Variants in KCMF1 observed in about 807,000 individuals in gnomAD.
The protein encoded by KCMF1 is E3 ubiquitin-protein ligase KCMF1.
A neutral mutation model predicts 41.1 loss-of-function variants in KCMF1; 3 were observed. The observed-to-expected ratio is 0.07, with a 90% CI of 0.03 to 0.19. KCMF1 has a LOEUF of 0.19. Among genes scored for constraint, KCMF1 ranks in the 10% least tolerant of loss-of-function variants. KCMF1 has a pLI of 1.00. For missense variants in KCMF1, 286 were observed against 488.9 expected, an observed-to-expected ratio of 0.58 and a Z score of 3.91; for synonymous variants, 142 against 164.5, an observed-to-expected ratio of 0.86 and a Z score of 1.04.
chr2:85,010,715 G>T (rs1674631029), intron 1 of KCMF1, among the ~76,000 whole-genome samples: 2 of 152,156 alleles, frequency 1.3e-5, no homozygotes. Flanking sequence ...TAAGGAGCTG[G>T]AATGTAATTT....
intron 6 of KCMF1, among the ~76,000 whole-genome samples, chr2:85,052,745 C>T (rs1471939584): frequency 6.6e-6 from 1 of 152,182 alleles, no homozygotes; most frequent in Admixed American, 6.5e-5. Flanking sequence ...ATATTCTGTT[C>T]ACTGCAGATT....
chr2:85,033,423 G>A (rs1675329777), intron 2 of KCMF1, among the ~76,000 whole-genome samples: 2 of 152,232 alleles, frequency 1.3e-5, no homozygotes, highest in South Asian at 2.1e-4. Flanking sequence ...TAAAGGAAAG[G>A]GGTCTATTTA....
chr2:85,005,000 A>C (rs1674433257), intron 1 of KCMF1, among the ~76,000 whole-genome samples: 1 of 151,796 alleles, frequency 6.6e-6, no homozygotes, highest in Non-Finnish European at 1.5e-5. Flanking sequence ...TCCGCCTCCC[A>C]GGTTCAAGTG....
intron 1 of KCMF1, among the ~76,000 whole-genome samples, chr2:84,996,859 G>C (rs1270150450): frequency 6.6e-6 from 1 of 152,138 alleles, no homozygotes; most frequent in Non-Finnish European, 1.5e-5. Context: ...ATCGTTAGGT[G>C]ATTTTGTCAT....
Position 85,058,890 on chromosome 2 carries a change from C to G in KCMF1, c.*5481C>G, listed in dbSNP as rs1460812954. ...TTTAATAGTGAAGCCAGCCCAGAAG[C>G]ATCCTCTTCTGTAAGCTGGATGGAG... is the stretch of plus-strand genomic sequence containing the variant. On this transcript the variant is annotated 3_prime_UTR_variant, in exon 7 of 7. Coordinates refer to ENST00000409785, the MANE Select transcript of KCMF1 (RefSeq NM_020122.5). 6.6e-6 allele frequency: 1 copy of G among 152,178 alleles called. No individual in the cohort carries two copies. The highest frequency in any genetic ancestry group is 2.4e-5 in the African/African-American group (1 of 41,440). The allele number at this position is 152,178 out of a possible 1,614,324, so 9.4% of individuals were successfully genotyped here.
At chr2:85,030,759 C>T (rs1316621681) in intron 2 of KCMF1, among the ~76,000 whole-genome samples, 3 of 152,132 alleles carry the variant, frequency 2.0e-5, no homozygotes, top group African/African-American at 4.8e-5. Flanking sequence ...TGCAGTGGTG[C>T]GATCTTGGCT....
chr2:84,979,996 A>ATT (rs754834197), intron 1 of KCMF1, among the ~76,000 whole-genome samples: 7 of 135,366 alleles, frequency 5.2e-5, no homozygotes, highest in African/African-American at 1.4e-4. Flanking sequence ...CTAATTTTGT[A>ATT]TTTTTTTTTT....
chr2:85,000,409 C>T (rs1404726922), intron 1 of KCMF1, among the ~76,000 whole-genome samples: 1 of 152,224 alleles, frequency 6.6e-6, no homozygotes, highest in Non-Finnish European at 1.5e-5. Context: ...AGCCGTAAGC[C>T]ACTGCGCCCA....
intron 1 of KCMF1, among the ~76,000 whole-genome samples, chr2:85,020,906 T>C (rs1394904321): frequency 1.3e-5 from 2 of 152,046 alleles, no homozygotes; most frequent in Admixed American, 6.6e-5. Context: ...GGGTTTGCTC[T>C]GTCTCCAGGC....
At chr2:85,037,449 T>C (rs1675429167) in intron 3 of KCMF1, among the ~76,000 whole-genome samples, 1 of 152,214 alleles carries the variant, frequency 6.6e-6, no homozygotes, top group Non-Finnish European at 1.5e-5. Context: ...GAAGGATTGG[T>C]GCCTATGCCA....
chr2:85,006,057 A>AT (rs1157754345), intron 1 of KCMF1, among the ~76,000 whole-genome samples: 3 of 151,074 alleles, frequency 2.0e-5, no homozygotes, highest in South Asian at 2.1e-4. Flanking sequence ...CTATTTTTCT[A>AT]TTTTTTTTCC....
intron 1 of KCMF1, among the ~76,000 whole-genome samples, chr2:84,998,864 G>A (rs147258013): frequency 0.013 from 1,908 of 151,034 alleles, 58 homozygotes; most frequent in African/African-American, 0.045. Flanking sequence ...CACCCAACTC[G>A]GACTCCCAAA....
intron 1 of KCMF1, among the ~76,000 whole-genome samples, chr2:85,008,291 T>TATATATAATATATAATATGATATATATC: frequency 6.8e-5 from 1 of 14,624 alleles, no homozygotes; most frequent in Non-Finnish European, 1.7e-4. Context: ...TGATATATAA[T>TATATATAATATATAATATGATATATATC]ATATATAATA....
At chr2:85,006,964 C>G (rs1297113119) in intron 1 of KCMF1, among the ~76,000 whole-genome samples, 5 of 151,482 alleles carry the variant, frequency 3.3e-5, no homozygotes, top group African/African-American at 1.2e-4. Context: ...CAAAATTAGC[C>G]AGGCACATGC....
Position 85,053,390 on chromosome 2 carries a change from C to G in KCMF1, c.1127C>G (p.Pro376Arg). ...NLKESNKGNE[P>R]PPPPL is the part of the protein sequence containing the mutation. ...AAAGAGAGTAATAAAGGAAATGAGC[C>G]TCCACCACCTCCTCTTTGATGACAT... Residue 376 changes from proline to arginine, a missense_variant, in exon 7 of 7, where the codon CCT becomes CGT. Coordinates refer to ENST00000409785, the MANE Select transcript of KCMF1 (RefSeq NM_020122.5). 6.2e-7 allele frequency: 1 copy of G among 1,612,336 alleles called. No individual in the cohort carries two copies. The highest frequency in any genetic ancestry group is 1.1e-5 in the South Asian group (1 of 90,734).
chr2:84,986,717 G>GAAA (rs80299863), intron 1 of KCMF1, among the ~76,000 whole-genome samples: 3 of 133,254 alleles, frequency 2.3e-5, no homozygotes, highest in African/African-American at 5.5e-5. Flanking sequence ...CTGTACTTAA[G>GAAA]AAAAAAAAAA....
Position 85,049,621 on chromosome 2 carries a change from T to C in KCMF1, c.857T>C (p.Leu286Pro), listed in dbSNP as rs769360305. 2 of 1,613,336 alleles carry C rather than the reference T, an allele frequency of 1.2e-6. No individual in the cohort carries two copies. The highest frequency in any genetic ancestry group is 2.2e-5 in the South Asian group (2 of 91,042). The change falls in exon 6 of 7, where the codon CTA (leucine) becomes CCA (proline). Residue 286 changes from leucine (L) to proline (P), a missense_variant. Physicochemically the swap from Leu to Pro is moderately conservative, Grantham distance 98. This residue lies in a region of KCMF1 where 191 missense variants were observed against 279.3 expected (regional missense o/e 0.68). Coordinates refer to ENST00000409785, the MANE Select transcript of KCMF1 (RefSeq NM_020122.5). ...AATACAGAAAGCAGTCAGCAGACTC[T>C]ACAGAATTCCCAGTTTCTTTTAACA... ...IANTESSQQT[L>P]QNSQFLLTRL...
chr2:85,012,351 ATT>A (rs1558575075), intron 1 of KCMF1, among the ~76,000 whole-genome samples: 1 of 152,164 alleles, frequency 6.6e-6, no homozygotes, highest in Non-Finnish European at 1.5e-5. Context: ...TTCTTGATGC[ATT>A]GTTAATGAAT....
In KCMF1 at chr2:84,996,430, ATTTTTT is replaced by A. The variant is rs869089697; in HGVS notation, c.16+24980_16+24985del. On this transcript the variant is annotated intron_variant, in intron 1 of 6. Transcript: ENST00000409785. ...ATACTTTATACCTAAATAACCTAAG[ATTTTTT>A]TTTTTTTTTTTTTTTTGAGACAGAG... is the stretch of plus-strand genomic sequence containing the variant. Among the ~76,000 whole-genome samples, 355 of 124,064 alleles carry A rather than the reference ATTTTTT, an allele frequency of 2.9e-3. 4 individuals carry two copies. The highest frequency in any genetic ancestry group is 9.3e-3 in the Admixed American group (113 of 12,206). The allele number at this position is 124,064 out of a possible 152,430, so 81.4% of individuals were successfully genotyped here.
Sources: allele counts gnomAD v4.1 joint callset (sites outside exome capture counted in the v4.1 genomes callset), GRCh38; gene constraint gnomAD v4.1.1; regional missense constraint gnomAD v4.1.1; transcripts MANE v1.5; gene names NCBI Gene and HGNC (gene_info 2026-07-23, HGNC 2026-07-21).